Variants in PRKAG2 observed in about 807,000 individuals in gnomAD.
PRKAG2 encodes the protein protein kinase AMP-activated non-catalytic subunit gamma 2, also known as 5'-AMP-activated protein kinase subunit gamma-2.
A neutral mutation model predicts 69.6 loss-of-function variants in PRKAG2; 26 were observed. The ratio of observed to expected loss-of-function variants is 0.37; its 90% confidence interval spans 0.27 to 0.52. The LOEUF (loss-of-function observed/expected upper bound fraction) is 0.52, where lower values mean the gene tolerates loss of function less well. Among genes scored for constraint, PRKAG2 ranks in the 20% least tolerant of loss-of-function variants. PRKAG2 has a pLI of 0.90. For synonymous variants in PRKAG2, 293 were observed against 285.0 expected (o/e 1.03, Z -0.28); for missense variants, 557 against 740.0 (o/e 0.75, Z 2.87).
chr7:151,662,762 G>A (rs1389841732), intron 4 of PRKAG2, among the ~76,000 whole-genome samples: 1 of 152,014 alleles, frequency 6.6e-6, no homozygotes, highest in Non-Finnish European at 1.5e-5. Context: ...AATTAGTCGG[G>A]CATGGTGGTG....
chr7:151,608,214 CCTGCTGATGACTTA>C (rs1817973943), intron 5 of PRKAG2, among the ~76,000 whole-genome samples: 1 of 152,140 alleles, frequency 6.6e-6, no homozygotes, highest in Non-Finnish European at 1.5e-5. Context: ...AGGAACCAAC[CCTGCTGATGACTTA>C]CTCCAGACTT....
chr7:151,862,102 G>T (rs113365278), intron 1 of PRKAG2, among the ~76,000 whole-genome samples: 1 of 152,092 alleles, frequency 6.6e-6, no homozygotes, highest in African/African-American at 2.4e-5. Context: ...TGGCCCCCGG[G>T]CTCTGCATTG....
chr7:151,726,392 A>G (rs896871357), intron 3 of PRKAG2, among the ~76,000 whole-genome samples: 6 of 145,330 alleles, frequency 4.1e-5, no homozygotes, highest in Non-Finnish European at 7.6e-5. Context: ...ACACACACAC[A>G]CACACACACG....
intron 3 of PRKAG2, 95 bp from the exon 4 acceptor site, chr7:151,675,732 GA>G: frequency 8.1e-7 from 1 of 1,231,934 alleles, no homozygotes; most frequent in South Asian, 1.2e-5. Context: ...GGGAGATGGG[GA>G]GAGGTCAGAG....
chr7:151,618,891 GTC>G (rs1329512346), intron 5 of PRKAG2, among the ~76,000 whole-genome samples: 2 of 152,178 alleles, frequency 1.3e-5, no homozygotes, highest in African/African-American at 4.8e-5. Flanking sequence ...AATAAATGAA[GTC>G]TGTTACTTTT....
At chr7:151,768,559 G>T (rs955514675) in intron 3 of PRKAG2, among the ~76,000 whole-genome samples, 6 of 152,176 alleles carry the variant, frequency 3.9e-5, no homozygotes. Context: ...TCTGTCTCCT[G>T]AGTTCAAGCG....
chr7:151,821,596 A>G (rs968016170), intron 1 of PRKAG2, among the ~76,000 whole-genome samples: 1 of 145,548 alleles, frequency 6.9e-6, no homozygotes, highest in South Asian at 2.2e-4. Context: ...CATAAACCAC[A>G]CTGCACAAAA....
At chr7:151,861,076 C>T (rs1345116396) in intron 1 of PRKAG2, among the ~76,000 whole-genome samples, 4 of 152,208 alleles carry the variant, frequency 2.6e-5, no homozygotes, top group African/African-American at 9.7e-5. Context: ...GTTAAGGGCT[C>T]AGTACCTTCA....
chr7:151,802,756 C>T (rs184215757), intron 1 of PRKAG2, among the ~76,000 whole-genome samples: 85 of 152,182 alleles, frequency 5.6e-4, no homozygotes, highest in African/African-American at 1.8e-3. Context: ...CCCCAGGACA[C>T]AGCCCTGGCC....
intron 1 of PRKAG2, among the ~76,000 whole-genome samples, chr7:151,872,287 G>A (rs895027297): frequency 1.3e-5 from 2 of 152,014 alleles, no homozygotes; most frequent in African/African-American, 2.4e-5. Flanking sequence ...CCTTACCCTG[G>A]GGGGGGGCTT....
intron 1 of PRKAG2, among the ~76,000 whole-genome samples, chr7:151,797,235 C>T (rs922302501): frequency 8.0e-6 from 1 of 124,974 alleles, no homozygotes; most frequent in African/African-American, 3.1e-5. Context: ...CCACCCCCCC[C>T]ACCCCCCACC....
chr7:151,706,795 T>C (rs976921038), intron 3 of PRKAG2, among the ~76,000 whole-genome samples: 1 of 152,206 alleles, frequency 6.6e-6, no homozygotes, highest in Non-Finnish European at 1.5e-5. Flanking sequence ...GTTCCGGCAA[T>C]GGCTTCTGCT....
At chr7:151,734,596 C>G (rs1563552832) in intron 3 of PRKAG2, among the ~76,000 whole-genome samples, 2 of 152,216 alleles carry the variant, frequency 1.3e-5, no homozygotes, top group African/African-American at 4.8e-5. Context: ...GTCACCCAGG[C>G]TGGAGTGTAG....
intron 6 of PRKAG2, among the ~76,000 whole-genome samples, chr7:151,578,051 A>C (rs74702664): frequency 6.6e-6 from 1 of 151,734 alleles, no homozygotes. Context: ...TCAAAAAAAA[A>C]CCTTGTTGGC....
intron 4 of PRKAG2, among the ~76,000 whole-genome samples, chr7:151,655,986 T>C (rs1315883939): frequency 1.3e-5 from 2 of 152,216 alleles, no homozygotes; most frequent in Non-Finnish European, 2.9e-5. Context: ...GCAAACTTAA[T>C]TTGTAAATTT....
intron 3 of PRKAG2, among the ~76,000 whole-genome samples, chr7:151,688,624 C>G (rs1334296086): frequency 2.0e-5 from 3 of 152,210 alleles, no homozygotes; most frequent in Non-Finnish European, 4.4e-5. Flanking sequence ...GATTCGGACA[C>G]TGCTTGCCGC....
intron 3 of PRKAG2, among the ~76,000 whole-genome samples, chr7:151,755,678 G>T (rs1434512892): frequency 6.6e-6 from 1 of 152,240 alleles, no homozygotes; most frequent in East Asian, 1.9e-4. Context: ...TGGCTTCGTA[G>T]TTGCAAAAGA....
At chr7:151,830,920 G>T (rs953667371) in intron 1 of PRKAG2, among the ~76,000 whole-genome samples, 2 of 151,896 alleles carry the variant, frequency 1.3e-5, no homozygotes, top group African/African-American at 4.8e-5. Flanking sequence ...TTAGGTGAAG[G>T]AGTTTCCCTC....
At chr7:151,669,232 T>C (rs1035459409) in intron 4 of PRKAG2, among the ~76,000 whole-genome samples, 3 of 152,192 alleles carry the variant, frequency 2.0e-5, no homozygotes, top group Admixed American at 6.5e-5. Context: ...CCCTGTCCTC[T>C]CTCTCACATC....
Sources: allele counts gnomAD v4.1 joint callset (sites outside exome capture counted in the v4.1 genomes callset), GRCh38; gene constraint gnomAD v4.1.1; transcripts MANE v1.5; gene names NCBI Gene and HGNC (gene_info 2026-07-23, HGNC 2026-07-21).